IGFBP3: variants seen among roughly 807,000 people sequenced by gnomAD.
IGFBP3 encodes the protein insulin like growth factor binding protein 3.
IGFBP3 carries 9 observed loss-of-function variants against 28.6 expected under a neutral mutation model. The observed-to-expected ratio is 0.31, with a 90% CI of 0.19 to 0.55. The LOEUF (loss-of-function observed/expected upper bound fraction) is 0.55. Among genes scored for constraint, IGFBP3 ranks in the 20% least tolerant of loss-of-function variants. The probability of loss-of-function intolerance (pLI) is 0.93; values close to 1 mark genes in which losing one functional copy is unlikely to be tolerated. For synonymous variants in IGFBP3, 185 were observed against 188.2 expected (o/e 0.98, Z 0.14); for missense variants, 382 against 428.9 (o/e 0.89, Z 0.97).
chr7:45,920,622 T>C (rs2116584912), intron 1 of IGFBP3, 116 bp downstream of exon 1: 3 of 1,047,824 alleles, frequency 2.9e-6, no homozygotes, highest in South Asian at 6.4e-5. Context: ...TCCCCACATA[T>C]TATCTCCAGT....
At chr7:45,914,560 C>G in intron 4 of IGFBP3, 1 of 358,718 alleles carries the variant, frequency 2.8e-6, no homozygotes, top group African/African-American at 2.1e-5. Flanking sequence ...TGAGATAAAG[C>G]AGAGTGTCCC....
At chr7:45,915,130 C>G in intron 3 of IGFBP3, 185 bp from the exon 4 acceptor site, 1 of 589,040 alleles carries the variant, frequency 1.7e-6, no homozygotes, top group Non-Finnish European at 2.9e-6. Flanking sequence ...CCTGTGCATG[C>G]GTGTGGGTGT....
intron 3 of IGFBP3, among the ~76,000 whole-genome samples, chr7:45,916,220 G>A (rs1030025625): frequency 1.3e-5 from 2 of 152,214 alleles, no homozygotes; most frequent in Non-Finnish European, 2.9e-5. Context: ...ATTAACAAAT[G>A]TGTTAACATG....
At chr7:45,916,819 C>T (rs558154747) in intron 2 of IGFBP3, 152 bp from the exon 3 acceptor site, 21 of 786,552 alleles carry the variant, frequency 2.7e-5, no homozygotes, top group Middle Eastern at 3.4e-4. Flanking sequence ...GAAAGTCCCC[C>T]GAATAAGCTA....
intron 4 of IGFBP3, chr7:45,914,579 A>G (rs887780179): frequency 2.3e-6 from 1 of 434,294 alleles, no homozygotes; most frequent in Non-Finnish European, 4.2e-6. Context: ...CCTGAGGTGC[A>G]CTGGCCGGCC....
At chr7:45,919,922 C>T (rs1453372882) in intron 1 of IGFBP3, 2 of 149,748 alleles carry the variant, frequency 1.3e-5, no homozygotes, top group Admixed American at 6.6e-5. Context: ...TCTCATTCCC[C>T]CCCCCATTTC....
At chr7:45,916,912 T>C (rs1229010232) in intron 2 of IGFBP3, 2 of 561,668 alleles carry the variant, frequency 3.6e-6, no homozygotes, top group African/African-American at 1.9e-5. Flanking sequence ...TCAACAAGCA[T>C]AGAGGATGAA....
chr7:45,917,659 A>C (rs1008451171), intron 1 of IGFBP3, among the ~76,000 whole-genome samples: 2 of 152,182 alleles, frequency 1.3e-5, no homozygotes, highest in Non-Finnish European at 2.9e-5. Flanking sequence ...TTTGAAAGTC[A>C]ATCTGACAGG....
At position 45,920,846 on chromosome 7, in the gene IGFBP3, C is replaced by T; in HGVS notation, c.295G>A (p.Asp99Asn). 1.4e-6 allele frequency: 2 copies of T among 1,411,794 alleles called. No homozygotes were observed. Among genetic ancestry groups the T allele is most frequent in the South Asian group, 1.5e-5 (1 of 67,376 alleles). The allele number at this position is 1,411,794 out of a possible 1,614,324, so 87.5% of individuals were successfully genotyped here. The part of the protein sequence containing the change: ...GSGLRCQPSP[D>N]EARPLQALLD... ...AGCGCCTGCAGCGGTCGCGCCTCGT[C>T]GGGCGACGGCTGGCAGCGAAGGCCG... is the stretch of plus-strand genomic sequence containing the variant. Residue 99 changes from aspartate to asparagine, a missense_variant, in exon 1 of 5, where the codon GAC (aspartate) becomes AAC (asparagine). Coordinates refer to ENST00000613132, the MANE Select transcript of IGFBP3 (RefSeq NM_000598.5).
At chr7:45,920,334 C>T in intron 1 of IGFBP3, 1 of 149,304 alleles carries the variant, frequency 6.7e-6, no homozygotes, top group Non-Finnish European at 1.2e-5. Flanking sequence ...CTTCCTTGGT[C>T]CAAATCCGCC....
chr7:45,921,029 C>G lies in IGFBP3; in HGVS notation c.112G>C (p.Val38Leu). The G allele has an allele frequency of 7.0e-7, 1 of 1,429,666 alleles. No individual in the cohort carries two copies. 88.6% of individuals were successfully genotyped at this position (1,429,666 alleles called of 1,614,324 possible). The change falls in exon 1 of 5, where the codon GTG becomes CTG. Residue 38 changes from valine to leucine, a missense_variant. Val to Leu is a conservative substitution (Grantham distance 32). Coordinates refer to ENST00000613132, the MANE Select transcript of IGFBP3 (RefSeq NM_000598.5). ...CGCGCGTCGCACGGCTCGCAGCGCA[C>G]CACGGGACCCAAGCCCGCCGAGCTC... ...GASSAGLGPV[V>L]RCEPCDARAL...
chr7:45,918,243 G>A (rs932743138), intron 1 of IGFBP3, among the ~76,000 whole-genome samples: 3 of 151,752 alleles, frequency 2.0e-5, no homozygotes, highest in African/African-American at 7.3e-5. Context: ...TCCCACTCAC[G>A]GCTCAGACTT....
intron 4 of IGFBP3, chr7:45,914,267 C>T (rs1006267925): frequency 6.6e-6 from 1 of 151,982 alleles, no homozygotes; most frequent in African/African-American, 2.4e-5. Context: ...TTTAAATTAA[C>T]TTTATTAAAA....
chr7:45,920,901 C>A lies in IGFBP3; in HGVS notation c.240G>T (p.Pro80=), dbSNP rs1173284672. 1.4e-6 allele frequency: 2 copies of A among 1,435,820 alleles called. No individual in the cohort carries two copies. Among genetic ancestry groups the A allele is most frequent in the African/African-American group, 1.5e-5 (1 of 67,086 alleles). 88.9% of individuals were successfully genotyped at this position (1,435,820 alleles called of 1,614,324 possible). A position where few individuals can be genotyped will look rare whatever the true frequency, so the allele number is the denominator to read the frequency against. The change falls in exon 1 of 5, where the codon CCG becomes CCT. Residue 80 remains proline, a synonymous_variant. Coordinates refer to ENST00000613132, the MANE Select transcript of IGFBP3 (RefSeq NM_000598.5). ...CLTCALSEGQ[P]CGIYTERCGS... Reference sequence around the variant, plus strand: ...CACAGCGCTCGGTGTAGATGCCGCACGGCTGGCCCTCGCTCAGTGCGCACG... The same window carrying A: ...CACAGCGCTCGGTGTAGATGCCGCAAGGCTGGCCCTCGCTCAGTGCGCACG...
At chr7:45,916,809 G>A (rs34508316) in intron 2 of IGFBP3, 142 bp from the exon 3 acceptor site, 112 of 855,088 alleles carry the variant, frequency 1.3e-4, no homozygotes, top group Non-Finnish European at 1.5e-4. Context: ...GATGTAGCAC[G>A]AAAGTCCCCC....
chr7:45,918,361 A>G (rs576661928), intron 1 of IGFBP3, among the ~76,000 whole-genome samples: 1 of 152,360 alleles, frequency 6.6e-6, no homozygotes, highest in Admixed American at 6.5e-5. Flanking sequence ...AGAAAGTCTG[A>G]TGCTTAAAAT....
chr7:45,915,505 A>G (rs1784597693), intron 3 of IGFBP3, among the ~76,000 whole-genome samples: 1 of 152,264 alleles, frequency 6.6e-6, no homozygotes, highest in Admixed American at 6.5e-5. Context: ...TTCTGTAGAT[A>G]GCATAGTATC....
rs1399144937 is a variant in IGFBP3 at position 45,921,027 on chromosome 7, C to A, written c.114G>T (p.Val38=). 3 of 1,419,456 alleles carry A rather than the reference C, an allele frequency of 2.1e-6. No homozygotes were observed. Among genetic ancestry groups the A allele is most frequent in the Non-Finnish European group, 2.7e-6 (3 of 1,094,476 alleles). The allele number at this position is 1,419,456 out of a possible 1,614,324, so 87.9% of individuals were successfully genotyped here. A position where few individuals can be genotyped will look rare whatever the true frequency, so the allele number is the denominator to read the frequency against. ...CACGCGCGTCGCACGGCTCGCAGCG[C>A]ACCACGGGACCCAAGCCCGCCGAGC... ...GASSAGLGPV[V]RCEPCDARAL... is the part of the protein sequence containing the mutation. The change falls in exon 1 of 5, where the codon GTG becomes GTT. Residue 38 remains valine (V), a synonymous_variant. Transcript: ENST00000613132.
At position 45,914,859 on chromosome 7, in the gene IGFBP3, C is replaced by A; in HGVS notation, c.837G>T (p.Gly279=). 6.2e-7 allele frequency: 1 copy of A among 1,614,174 alleles called. No individual in the cohort carries two copies. Among genetic ancestry groups the A allele is most frequent in the Non-Finnish European group, 8.5e-7 (1 of 1,180,002 alleles). ...GQPLPGYTTK[G]KEDVHCYSMQ... is the part of the protein sequence containing the mutation. ...TGCTGTAGCAGTGCACGTCCTCCTT[C>A]CCCTTGGTGGTGTAGCCTGGGAGAG... is the stretch of plus-strand genomic sequence containing the variant. The change falls in exon 4 of 5, where the codon GGG becomes GGT. Residue 279 remains glycine (G), a synonymous_variant. Transcript: ENST00000613132.
Sources: gnomAD v4.1 joint callset for allele counts (sites outside exome capture counted in the v4.1 genomes callset) on GRCh38, gnomAD v4.1.1 for gene constraint, MANE v1.5 for transcripts, NCBI Gene and HGNC (gene_info 2026-07-23, HGNC 2026-07-21) for gene names.